Variants in NIF3L1 observed in about 807,000 individuals in gnomAD.
NIF3L1 encodes NIF3-like protein 1.
NIF3L1 carries 26 observed loss-of-function variants against 35.0 expected under a neutral mutation model. The observed-to-expected ratio is 0.74, with a 90% CI of 0.54 to 1.03. NIF3L1 has a LOEUF of 1.03. NIF3L1 is among the 50% of genes least tolerant of loss of function. The pLI is 0.00. For missense variants in NIF3L1, 449 were observed against 466.3 expected (o/e 0.96, Z 0.34); for synonymous variants, 157 against 178.9 (o/e 0.88, Z 0.98).
At chr2:200,890,834 G>A (rs1424471651) in intron 1 of NIF3L1, among the ~76,000 whole-genome samples, 1 of 152,012 alleles carries the variant, frequency 6.6e-6, no homozygotes, top group Non-Finnish European at 1.5e-5. Context: ...TGTAGCAAAT[G>A]TTGCTTAAGG....
chr2:200,900,636 G>T (rs902221630), intron 6 of NIF3L1, among the ~76,000 whole-genome samples: 1 of 151,838 alleles, frequency 6.6e-6, no homozygotes, highest in Non-Finnish European at 1.5e-5. Context: ...CCAATAAATT[G>T]ATTTAAAAAA....
In NIF3L1 at chr2:200,893,307, C is replaced by T; in HGVS notation, c.498C>T (p.Asn166=). The change falls in exon 3 of 7, where the codon AAC becomes AAT. Residue 166 remains asparagine (N), a synonymous_variant. Coordinates refer to ENST00000409020, the MANE Select transcript of NIF3L1 (RefSeq NM_001369441.2). ...SKAPNYPTEG[N]HRVEFNVNYT... is the part of the protein sequence containing the mutation. Reference sequence around the variant, plus strand: ...CTCCCAACTACCCTACAGAGGGAAACCACCGAGTAGAATTCAACGTTAACT... The same window carrying T: ...CTCCCAACTACCCTACAGAGGGAAATCACCGAGTAGAATTCAACGTTAACT... 6.2e-7 allele frequency: 1 copy of T among 1,609,082 alleles called. No homozygotes were observed.
At chr2:200,894,421 G>A (rs911423578) in intron 3 of NIF3L1, among the ~76,000 whole-genome samples, 1 of 151,822 alleles carries the variant, frequency 6.6e-6, no homozygotes, top group Non-Finnish European at 1.5e-5. Flanking sequence ...ATTTTTTTGA[G>A]ACAGAGTCTC....
intron 6 of NIF3L1, among the ~76,000 whole-genome samples, chr2:200,900,315 G>T (rs1326537739): frequency 6.6e-6 from 1 of 152,120 alleles, no homozygotes; most frequent in Non-Finnish European, 1.5e-5. Flanking sequence ...TCAGGAATAT[G>T]GCCAAACATG....
In NIF3L1 at chr2:200,892,392, T is replaced by C; in HGVS notation, c.436+13T>C. 6.5e-7 allele frequency: 1 copy of C among 1,547,726 alleles called. No homozygotes were observed. On this transcript the variant is annotated intron_variant, in intron 2 of 6. Transcript: ENST00000409020. ...GCTAAAGGGCTTGGTGAGAAGCCTC[T>C]TTCATATTTGATATTTTCCCTGCAA...
chr2:200,892,361 T>G lies in NIF3L1; in HGVS notation c.418T>G (p.Trp140Gly). The G allele has an allele frequency of 6.2e-7, 1 of 1,600,336 alleles. No individual in the cohort carries two copies. The highest frequency in any genetic ancestry group is 2.2e-5 in the East Asian group (1 of 44,720). Residue 140 changes from tryptophan to glycine, a missense_variant, in exon 2 of 7, where the codon TGG becomes GGG. Transcript: ENST00000409020. ...TGCTGCGCCCCAGGGCGTCAACAAC[T>G]GGTTGGCTAAAGGGCTTGGTGAGAA... ...YDAAPQGVNNWLAKGLGACTS... is the reference protein window; with the variant it reads ...YDAAPQGVNNGLAKGLGACTS...
intron 4 of NIF3L1, among the ~76,000 whole-genome samples, chr2:200,895,977 GC>G (rs1322770103): frequency 2.2e-5 from 3 of 134,922 alleles, no homozygotes; most frequent in Non-Finnish European, 1.5e-5. Context: ...TGCCACCCCC[GC>G]TTTTTTTTTT....
At chr2:200,901,243 A>G (rs952609265) in intron 6 of NIF3L1, among the ~76,000 whole-genome samples, 1 of 152,126 alleles carries the variant, frequency 6.6e-6, no homozygotes, top group African/African-American at 2.4e-5. Context: ...ATGATCTCAC[A>G]TTGCATTTAG....
intron 4 of NIF3L1, 68 bp from the exon 5 acceptor site, chr2:200,897,008 G>A: frequency 6.7e-7 from 1 of 1,484,798 alleles, no homozygotes; most frequent in Non-Finnish European, 9.3e-7. Context: ...TGTGCATGTT[G>A]ATGATTTTAG....
chr2:200,903,465 T>G (rs761942008), intron 6 of NIF3L1, 29 bp from the exon 7 acceptor site: 1 of 1,584,368 alleles, frequency 6.3e-7, no homozygotes, highest in South Asian at 1.1e-5. Context: ...TATTTAGCAT[T>G]TAAGAATTTG....
chr2:200,896,986 G>A lies in NIF3L1; in HGVS notation c.727-90G>A, dbSNP rs1279907104. ...CACATTTAGCCTGGAGCTTGCTATAGTAATCTCACAGTGTGCATGTTGATG... is the reference window on the plus strand; with the variant it reads ...CACATTTAGCCTGGAGCTTGCTATAATAATCTCACAGTGTGCATGTTGATG... On this transcript the variant is annotated intron_variant, in intron 4 of 6. Coordinates refer to ENST00000409020, the MANE Select transcript of NIF3L1 (RefSeq NM_001369441.2). 3.9e-6 allele frequency: 5 copies of A among 1,267,390 alleles called. No individual in the cohort carries two copies. The Admixed American group carries it at 8.5e-5, about 22-fold the overall frequency. 78.5% of individuals were successfully genotyped at this position (1,267,390 alleles called of 1,614,324 possible). A position where few individuals can be genotyped will look rare whatever the true frequency, so the allele number is the denominator to read the frequency against.
intron 6 of NIF3L1, among the ~76,000 whole-genome samples, chr2:200,902,639 A>G (rs1403791237): frequency 6.6e-6 from 1 of 152,232 alleles, no homozygotes; most frequent in Non-Finnish European, 1.5e-5. Flanking sequence ...AACAGATGAG[A>G]TTCCCTCCAG....
At position 200,893,327 on chromosome 2, in the gene NIF3L1, T is replaced by C. The variant is rs959612952; in HGVS notation, c.518T>C (p.Val173Ala). 1.2e-6 allele frequency: 2 copies of C among 1,613,026 alleles called. No individual in the cohort carries two copies. The highest frequency in any genetic ancestry group is 3.3e-5 in the Admixed American group (2 of 59,854). Residue 173 changes from valine to alanine, a missense_variant, in exon 3 of 7, where the codon GTT becomes GCT. Transcript: ENST00000409020. ...GGAAACCACCGAGTAGAATTCAACG[T>C]TAACTACACCCAAGACCTGGACAAA... ...TEGNHRVEFN[V>A]NYTQDLDKVM...
intron 1 of NIF3L1, 43 bp from the exon 2 acceptor site, chr2:200,891,875 C>T: frequency 8.2e-7 from 1 of 1,217,378 alleles, no homozygotes; most frequent in Non-Finnish European, 1.1e-6. Context: ...AAGATCCAGG[C>T]CTAAAGTATA....
chr2:200,903,635 T>C lies in NIF3L1; in HGVS notation c.1091T>C (p.Ile364Thr). Residue 364 changes from isoleucine (I) to threonine (T), a missense_variant, in exon 7 of 7, where the codon ATT (isoleucine) becomes ACT (threonine). Transcript: ENST00000409020. ...LDSHLENKIN[I>T]ILSETDRDPL... is the part of the protein sequence containing the mutation. ...TCTCACTTGGAGAATAAGATAAATATTATCCTATCAGAGACTGACAGGGAC... is the reference window on the plus strand; with the variant it reads ...TCTCACTTGGAGAATAAGATAAATACTATCCTATCAGAGACTGACAGGGAC... 1 of 1,613,948 alleles carries C rather than the reference T, an allele frequency of 6.2e-7. No individual in the cohort carries two copies. Among genetic ancestry groups the C allele is most frequent in the Non-Finnish European group, 8.5e-7 (1 of 1,179,834 alleles).
chr2:200,892,158 A>C lies in NIF3L1; in HGVS notation c.215A>C (p.Asp72Ala). 2.5e-6 allele frequency: 4 copies of C among 1,614,168 alleles called. No individual in the cohort carries two copies. The highest frequency in any genetic ancestry group is 3.4e-6 in the Non-Finnish European group (4 of 1,180,032). ...GTAAATACACTCTTCCTGACCAATG[A>C]CCTGACTGAGGAAGTGATGGAGGAG... ...HTVNTLFLTN[D>A]LTEEVMEEVL... The change falls in exon 2 of 7, where the codon GAC becomes GCC. Residue 72 changes from aspartate to alanine, a missense_variant. Asp to Ala is a moderately radical substitution (Grantham distance 126, BLOSUM62 -2). Transcript: ENST00000409020.
Position 200,892,035 on chromosome 2 carries a change from AG to A in NIF3L1, c.94del (p.Ala32LeufsTer6). The A allele has an allele frequency of 6.2e-7, 1 of 1,614,162 alleles. No homozygotes were observed. Among genetic ancestry groups the A allele is most frequent in the Non-Finnish European group, 8.5e-7 (1 of 1,180,018 alleles). ...CNSSRSFMDL[K>X]ALLSSLNDFA... ...TCTTCCCGTTCCTTCATGGATTTGA[AG>A]GCTCTCCTTTCTTCCTTGAATGACT... On this transcript the variant is annotated frameshift_variant, in exon 2 of 7. Transcript: ENST00000409020. LOFTEE classifies it high-confidence loss of function.
intron 6 of NIF3L1, among the ~76,000 whole-genome samples, chr2:200,900,342 A>G (rs2040393002): frequency 6.6e-6 from 1 of 152,162 alleles, no homozygotes; most frequent in African/African-American, 2.4e-5. Context: ...TACACCTCCA[A>G]AGGATTTGGA....
Position 200,892,319 on chromosome 2 carries a change from C to G in NIF3L1, c.376C>G (p.Pro126Ala), listed in dbSNP as rs200336342. The change falls in exon 2 of 7, where the codon CCT becomes GCT. Residue 126 changes from proline (P) to alanine (A), a missense_variant. Pro to Ala is a conservative substitution (Grantham distance 27, BLOSUM62 -1). Transcript: ENST00000409020. ...ALENRVGIYS[P>A]HTAYDAAPQG... Reference sequence around the variant, plus strand: ...GGAGAACAGAGTCGGTATCTACTCTCCTCATACAGCCTATGATGCTGCGCC... The same window carrying G: ...GGAGAACAGAGTCGGTATCTACTCTGCTCATACAGCCTATGATGCTGCGCC... 3.1e-6 allele frequency: 5 copies of G among 1,613,488 alleles called. No homozygotes were observed. The highest frequency in any genetic ancestry group is 4.2e-6 in the Non-Finnish European group (5 of 1,180,036).
Sources: allele counts gnomAD v4.1 joint callset (sites outside exome capture counted in the v4.1 genomes callset), GRCh38; gene constraint gnomAD v4.1.1; transcripts MANE v1.5; gene names NCBI Gene and HGNC (gene_info 2026-07-23, HGNC 2026-07-21).